Variants in CSMD1 observed in about 807,000 individuals in gnomAD.
The protein encoded by CSMD1 is CUB and Sushi multiple domains 1.
CSMD1 carries 213 observed loss-of-function variants against 417.5 expected under a neutral mutation model. The observed-to-expected ratio is 0.51, with a 90% confidence interval of 0.46 to 0.57. The LOEUF (loss-of-function observed/expected upper bound fraction) is 0.57. Among genes scored for constraint, CSMD1 ranks in the 20% least tolerant of loss-of-function variants. The pLI, the probability that CSMD1 is intolerant of heterozygous loss-of-function variation, is 0.00. For missense variants in CSMD1, 6,923 were observed against 4,529.7 expected (o/e 1.53, Z -15.17); for synonymous variants, 2,862 against 1,736.8 (o/e 1.65, Z -16.11).
At chr8:4,547,818 G>A (rs2130547602) in intron 2 of CSMD1, among the ~76,000 whole-genome samples, 1 of 152,302 alleles carries the variant, frequency 6.6e-6, no homozygotes, top group Middle Eastern at 3.4e-3. Context: ...GTGGCAGAGA[G>A]AAACAAGAAT....
At chr8:4,880,955 G>A (rs954889192) in intron 1 of CSMD1, among the ~76,000 whole-genome samples, 1 of 152,004 alleles carries the variant, frequency 6.6e-6, no homozygotes, top group African/African-American at 2.4e-5. Context: ...GAATGGGCCA[G>A]GAATCCATGT....
intron 5 of CSMD1, among the ~76,000 whole-genome samples, chr8:3,947,818 C>A (rs758177229): frequency 2.0e-5 from 3 of 152,138 alleles, no homozygotes; most frequent in Non-Finnish European, 4.4e-5. Flanking sequence ...TCATATGGTT[C>A]AAGTAGGTCA....
intron 22 of CSMD1, among the ~76,000 whole-genome samples, chr8:3,345,336 C>A (rs1166055191): frequency 6.6e-6 from 1 of 152,134 alleles, no homozygotes; most frequent in Non-Finnish European, 1.5e-5. Flanking sequence ...TTCTTCAGAA[C>A]AACAATTCTG....
At chr8:4,557,192 T>G (rs953522390) in intron 2 of CSMD1, among the ~76,000 whole-genome samples, 6 of 152,170 alleles carry the variant, frequency 3.9e-5, no homozygotes, top group Non-Finnish European at 7.4e-5. Context: ...GGTGACGGAT[T>G]CGAGGCTGAG....
intron 3 of CSMD1, among the ~76,000 whole-genome samples, chr8:4,038,637 ACTCTACTTT>A (rs1458300780): frequency 1.4e-4 from 21 of 152,088 alleles, no homozygotes; most frequent in Admixed American, 9.2e-4. Flanking sequence ...GTTGACATAA[ACTCTACTTT>A]TAATTCTCTT....
chr8:4,148,962 T>C (rs1342206820), intron 3 of CSMD1, among the ~76,000 whole-genome samples: 3 of 87,560 alleles, frequency 3.4e-5, no homozygotes, highest in South Asian at 5.3e-4. Context: ...ACATTTCATA[T>C]TAACTTTTTT....
chr8:4,231,641 G>C (rs367898368), intron 3 of CSMD1, among the ~76,000 whole-genome samples: 2 of 152,114 alleles, frequency 1.3e-5, no homozygotes, highest in African/African-American at 4.8e-5. Flanking sequence ...TTTACTGCAG[G>C]CTCTGTCTGA....
chr8:4,928,003 C>G (rs1037140405), intron 1 of CSMD1, among the ~76,000 whole-genome samples: 3 of 152,188 alleles, frequency 2.0e-5, no homozygotes, highest in South Asian at 2.1e-4. Flanking sequence ...GAGTCACACC[C>G]CACATCCTCA....
At chr8:3,663,527 C>A (rs1798527802) in intron 7 of CSMD1, among the ~76,000 whole-genome samples, 1 of 152,252 alleles carries the variant, frequency 6.6e-6, no homozygotes, top group South Asian at 2.1e-4. Context: ...AGGGAAAAGT[C>A]AAGCTGGAAA....
At chr8:3,097,945 C>G (rs138611791) in intron 46 of CSMD1, among the ~76,000 whole-genome samples, 1,962 of 152,270 alleles carry the variant, frequency 0.013, 28 homozygotes, top group Non-Finnish European at 0.018. Context: ...ATGGATACAT[C>G]GTATCTTTTC....
intron 7 of CSMD1, among the ~76,000 whole-genome samples, chr8:3,623,760 G>C (rs1045502714): frequency 1.3e-5 from 2 of 152,148 alleles, no homozygotes; most frequent in African/African-American, 4.8e-5. Context: ...CAGATCACCT[G>C]AGGTGAGGAG....
chr8:4,713,465 G>T (rs1199317882), intron 1 of CSMD1, among the ~76,000 whole-genome samples: 2 of 152,094 alleles, frequency 1.3e-5, no homozygotes, highest in Non-Finnish European at 2.9e-5. Context: ...GCAGTGGCGC[G>T]ATACCGGCTC....
chr8:4,904,002 G>T (rs1171230231), intron 1 of CSMD1, among the ~76,000 whole-genome samples: 1 of 152,190 alleles, frequency 6.6e-6, no homozygotes, highest in East Asian at 1.9e-4. Flanking sequence ...GCTTCATTTT[G>T]TATTTATTTC....
At chr8:4,763,037 G>A (rs538386438) in intron 1 of CSMD1, among the ~76,000 whole-genome samples, 1 of 152,110 alleles carries the variant, frequency 6.6e-6, no homozygotes, top group Admixed American at 6.6e-5. Context: ...TGCACCCCTA[G>A]CAAGACTTCC....
At chr8:3,492,925 G>T (rs969233889) in intron 11 of CSMD1, among the ~76,000 whole-genome samples, 4 of 152,166 alleles carry the variant, frequency 2.6e-5, no homozygotes, top group African/African-American at 9.6e-5. Context: ...GTATTTCCCA[G>T]ACTAGAAAGC....
chr8:3,251,962 G>C (rs893689241), intron 26 of CSMD1, among the ~76,000 whole-genome samples: 3 of 152,106 alleles, frequency 2.0e-5, no homozygotes, highest in Non-Finnish European at 4.4e-5. Context: ...AGGATATTTT[G>C]GGCTGAGACA....
rs1037140299 is a variant in CSMD1 at position 4,071,658 on chromosome 8, T to G, written c.416-39559A>C. ...AAACTAGCTGAAATATGTGGAGTGATTAGTTGTTGTTTCTGGAATTGTGAA... is the reference window on the plus strand; with the variant it reads ...AAACTAGCTGAAATATGTGGAGTGAGTAGTTGTTGTTTCTGGAATTGTGAA... On this transcript the variant is annotated intron_variant, in intron 3 of 69. Transcript: ENST00000635120. Among the ~76,000 whole-genome samples, 4 of 152,278 alleles carry G rather than the reference T, an allele frequency of 2.6e-5. No homozygotes were observed. The East Asian group carries it at 5.8e-4, about 22-fold the overall frequency.
chr8:3,805,283 G>T (rs929124953), intron 5 of CSMD1, among the ~76,000 whole-genome samples: 1 of 152,136 alleles, frequency 6.6e-6, no homozygotes, highest in Non-Finnish European at 1.5e-5. Context: ...CATCGCAGAG[G>T]AAGGAGCCAC....
intron 12 of CSMD1, among the ~76,000 whole-genome samples, chr8:3,448,371 A>AGGGAGGAGGAAGGGAGGGAGGAGGG (rs1585179573): frequency 2.4e-4 from 1 of 4,084 alleles, no homozygotes; most frequent in Non-Finnish European, 3.8e-4. Flanking sequence ...AGAAGGGAGG[A>AGGGAGGAGGAAGGGAGGGAGGAGGG]AGGGAGGGGG....
Sources: allele counts gnomAD v4.1 joint callset (sites outside exome capture counted in the v4.1 genomes callset), GRCh38; gene constraint gnomAD v4.1.1; transcripts MANE v1.5; gene names NCBI Gene and HGNC (gene_info 2026-07-23, HGNC 2026-07-21).